Variants in CTNNA3 observed in about 807,000 individuals in gnomAD.
CTNNA3 encodes the protein catenin alpha 3.
A neutral mutation model predicts 95.7 loss-of-function variants in CTNNA3; 76 were observed. That is an observed-to-expected ratio of 0.79 (90% confidence interval 0.66 to 0.96). The LOEUF (loss-of-function observed/expected upper bound fraction) is 0.96, where lower values mean the gene tolerates loss of function less well. Ranked by LOEUF, CTNNA3 falls within the 40% of genes least tolerant of loss-of-function variation. The pLI, the probability that CTNNA3 is intolerant of heterozygous loss-of-function variation, is 0.00. For synonymous variants in CTNNA3, 431 were observed against 374.4 expected, an observed-to-expected ratio of 1.15 and a Z score of -1.74; for missense variants, 1,191 against 1,089.8, an observed-to-expected ratio of 1.09 and a Z score of -1.31.
intron 5 of CTNNA3, among the ~76,000 whole-genome samples, chr10:67,266,636 T>A (rs1465817047): frequency 6.6e-6 from 1 of 152,162 alleles, no homozygotes; most frequent in Admixed American, 6.6e-5. Flanking sequence ...ACTATCATGA[T>A]AAGGAATTAA....
intron 5 of CTNNA3, among the ~76,000 whole-genome samples, chr10:67,354,423 T>G (rs1016050570): frequency 2.6e-5 from 4 of 152,082 alleles, no homozygotes; most frequent in African/African-American, 9.7e-5. Flanking sequence ...CTTGGCTGAA[T>G]TACCCATTTG....
At chr10:67,401,779 C>T (rs1250751674) in intron 5 of CTNNA3, among the ~76,000 whole-genome samples, 1 of 152,164 alleles carries the variant, frequency 6.6e-6, no homozygotes, top group Admixed American at 6.5e-5. Context: ...CTATCTACTG[C>T]CCATTGCTCT....
chr10:66,632,555 CA>C (rs10559608), intron 9 of CTNNA3, among the ~76,000 whole-genome samples: 19,673 of 100,376 alleles, frequency 0.2, 899 homozygotes, highest in Non-Finnish European at 0.22. Flanking sequence ...AACTCCATCT[CA>C]AAAAAAAAAA....
chr10:66,308,291 G>A (rs1427314452), intron 12 of CTNNA3, among the ~76,000 whole-genome samples: 1 of 151,850 alleles, frequency 6.6e-6, no homozygotes, highest in Non-Finnish European at 1.5e-5. Context: ...TTTCACATTA[G>A]GTTTAACTTT....
At chr10:66,475,217 C>T (rs1041885919) in intron 11 of CTNNA3, among the ~76,000 whole-genome samples, 1 of 151,982 alleles carries the variant, frequency 6.6e-6, no homozygotes, top group Non-Finnish European at 1.5e-5. Flanking sequence ...TATCCACATA[C>T]AGAAGAACAA....
At chr10:66,577,274 G>A (rs1285699940) in intron 10 of CTNNA3, among the ~76,000 whole-genome samples, 1 of 151,978 alleles carries the variant, frequency 6.6e-6, no homozygotes, top group Non-Finnish European at 1.5e-5. Context: ...CATTCAGAAG[G>A]TTGTCTGTTT....
At chr10:67,754,043 A>G (rs539186201) in intron 1 of CTNNA3, among the ~76,000 whole-genome samples, 1 of 152,362 alleles carries the variant, frequency 6.6e-6, no homozygotes, top group South Asian at 2.1e-4. Flanking sequence ...TATTCACAAT[A>G]GCAAAGACAT....
intron 13 of CTNNA3, among the ~76,000 whole-genome samples, chr10:66,140,390 T>A (rs1210089911): frequency 1.3e-5 from 2 of 152,208 alleles, no homozygotes; most frequent in Non-Finnish European, 2.9e-5. Flanking sequence ...AATGTTAAGA[T>A]GCATTTCAAG....
chr10:66,912,094 C>A (rs183277020), intron 7 of CTNNA3, among the ~76,000 whole-genome samples: 1 of 152,272 alleles, frequency 6.6e-6, no homozygotes, highest in African/African-American at 2.4e-5. Flanking sequence ...ATTTTGCATA[C>A]AGGCCCATAC....
At chr10:66,637,304 T>G (rs1181008841) in intron 9 of CTNNA3, among the ~76,000 whole-genome samples, 1 of 152,206 alleles carries the variant, frequency 6.6e-6, no homozygotes, top group South Asian at 2.1e-4. Flanking sequence ...AATTCTTATG[T>G]CAAGTAACAT....
At chr10:67,010,663 G>A (rs532053065) in intron 7 of CTNNA3, among the ~76,000 whole-genome samples, 1 of 152,274 alleles carries the variant, frequency 6.6e-6, no homozygotes, top group South Asian at 2.1e-4. Context: ...ATCAGTAGCT[G>A]CTAGGAATTT....
chr10:66,210,171 A>C (rs2088045730), intron 13 of CTNNA3, among the ~76,000 whole-genome samples: 1 of 152,040 alleles, frequency 6.6e-6, no homozygotes, highest in African/African-American at 2.4e-5. Flanking sequence ...TAAGTATGAT[A>C]AGGAATCTTT....
chr10:66,280,155 C>A (rs2091467791), intron 13 of CTNNA3, among the ~76,000 whole-genome samples: 1 of 152,022 alleles, frequency 6.6e-6, no homozygotes, highest in South Asian at 2.1e-4. Context: ...AAGCAAATTA[C>A]TTTATGTATT....
At chr10:66,749,689 G>C (rs533340718) in intron 9 of CTNNA3, among the ~76,000 whole-genome samples, 9 of 152,304 alleles carry the variant, frequency 5.9e-5, no homozygotes, top group South Asian at 4.1e-4. Context: ...GGAGGTTCTA[G>C]TGTGGACATA....
At chr10:66,421,897 GATATATATATAT>G (rs35513829) in intron 11 of CTNNA3, among the ~76,000 whole-genome samples, 10 of 108,164 alleles carry the variant, frequency 9.2e-5, no homozygotes, top group African/African-American at 3.1e-4. Flanking sequence ...TAATAAATGT[GATATATATATAT>G]ATATATACAC....
At chr10:66,586,300 T>C (rs1488377610) in intron 10 of CTNNA3, among the ~76,000 whole-genome samples, 1 of 152,036 alleles carries the variant, frequency 6.6e-6, no homozygotes, top group Non-Finnish European at 1.5e-5. Context: ...GGTGGGTAAA[T>C]GTAATATCCA....
chr10:67,763,273 T>A (rs936470740), intron 1 of CTNNA3, among the ~76,000 whole-genome samples: 16 of 148,844 alleles, frequency 1.1e-4, no homozygotes, highest in South Asian at 6.4e-4. Flanking sequence ...TGCCAAAATT[T>A]AAAAAAAAAA....
chr10:67,714,029 C>T (rs1461736630), intron 1 of CTNNA3, among the ~76,000 whole-genome samples: 7 of 152,056 alleles, frequency 4.6e-5, no homozygotes, highest in Non-Finnish European at 4.4e-5. Flanking sequence ...TAGATGTCCA[C>T]CAGGCAGAAG....
chr10:67,275,601 A>G (rs2132429166), intron 5 of CTNNA3, among the ~76,000 whole-genome samples: 1 of 152,324 alleles, frequency 6.6e-6, no homozygotes, highest in South Asian at 2.1e-4. Context: ...AAAATCAGAA[A>G]TTAATGAAAT....
Sources: gnomAD v4.1 joint callset for allele counts (sites outside exome capture counted in the v4.1 genomes callset) on GRCh38, gnomAD v4.1.1 for gene constraint, MANE v1.5 for transcripts, NCBI Gene and HGNC (gene_info 2026-07-23, HGNC 2026-07-21) for gene names.